The following PIP4K2A variants were observed in gnomAD, a reference collection of about 807,000 sequenced individuals.
The protein encoded by PIP4K2A is phosphatidylinositol 5-phosphate 4-kinase type-2 alpha.
In PIP4K2A, 14 loss-of-function variants were observed where a neutral mutation model predicts 42.9. The ratio of observed to expected loss-of-function variants is 0.33; its 90% CI spans 0.22 to 0.51. The LOEUF (loss-of-function observed/expected upper bound fraction) is 0.51. PIP4K2A is among the 20% of genes least tolerant of loss of function. PIP4K2A has a pLI of 0.97. For synonymous variants in PIP4K2A, 192 were observed against 192.2 expected (o/e 1.00, Z 0.01); for missense variants, 434 against 519.8 (o/e 0.83, Z 1.61).
At chr10:22,604,905 T>C (rs1192970753) in intron 3 of PIP4K2A, among the ~76,000 whole-genome samples, 2 of 152,188 alleles carry the variant, frequency 1.3e-5, no homozygotes, top group Admixed American at 6.5e-5. Flanking sequence ...CCCCAGGTCC[T>C]GGCCCCTGCC....
chr10:22,685,175 TA>T (rs1361326574), intron 1 of PIP4K2A, among the ~76,000 whole-genome samples: 1 of 152,178 alleles, frequency 6.6e-6, no homozygotes, highest in Admixed American at 6.5e-5. Context: ...GTACAACTTA[TA>T]ATTACACAGC....
At chr10:22,578,148 C>T (rs1034074838) in intron 4 of PIP4K2A, among the ~76,000 whole-genome samples, 1 of 152,122 alleles carries the variant, frequency 6.6e-6, no homozygotes, top group Non-Finnish European at 1.5e-5. Context: ...TATATGCTAC[C>T]AATTTTCTGT....
intron 1 of PIP4K2A, among the ~76,000 whole-genome samples, chr10:22,652,100 A>G (rs1839007297): frequency 6.6e-6 from 1 of 151,500 alleles, no homozygotes; most frequent in African/African-American, 2.4e-5. Context: ...TAGTCATGAA[A>G]TAACTGAAAA....
chr10:22,548,291 C>A (rs576513293), intron 7 of PIP4K2A, among the ~76,000 whole-genome samples: 1 of 152,240 alleles, frequency 6.6e-6, no homozygotes, highest in East Asian at 1.9e-4. Flanking sequence ...AGTGCTTGAG[C>A]CATGTATGGG....
rs181046355 is a variant in PIP4K2A at position 22,535,744 on chromosome 10, G to C, written c.*1457C>G. The stretch of plus-strand genomic sequence containing the variant: ...GCCTTTTGGAAAATGCAGGAGAGTT[G>C]GTAGATACATGATCTAGGTTGGAAA... On this transcript the variant is annotated 3_prime_UTR_variant, in exon 10 of 10. Transcript: ENST00000376573. 1 of 192,672 alleles carries C rather than the reference G, an allele frequency of 5.2e-6. No homozygotes were observed. Among genetic ancestry groups the C allele is most frequent in the Admixed American group, 6.0e-5 (1 of 16,598 alleles). 11.9% of individuals were successfully genotyped at this position (192,672 alleles called of 1,614,324 possible).
chr10:22,539,901 GAGAGAGAGAGGGA>G (rs1564410925), intron 9 of PIP4K2A, 57 bp downstream of exon 9: 8 of 627,804 alleles, frequency 1.3e-5, no homozygotes, highest in African/African-American at 8.9e-5. Flanking sequence ...GAGAGAGAGA[GAGAGAGAGAGGGA>G]GAGAGAGAGA....
chr10:22,550,874 G>A (rs181485100), intron 6 of PIP4K2A, 102 bp from the exon 7 acceptor site: 16 of 728,276 alleles, frequency 2.2e-5, no homozygotes, highest in South Asian at 3.1e-5. Flanking sequence ...CCCTTTCACC[G>A]CCCCCACCCC....
At chr10:22,676,578 A>C (rs1435448126) in intron 1 of PIP4K2A, among the ~76,000 whole-genome samples, 3 of 152,198 alleles carry the variant, frequency 2.0e-5, no homozygotes, top group Non-Finnish European at 4.4e-5. Flanking sequence ...GCAGAGAGGA[A>C]CAAGGGCAAG....
At chr10:22,598,227 G>A (rs1450943029) in intron 3 of PIP4K2A, among the ~76,000 whole-genome samples, 3 of 152,100 alleles carry the variant, frequency 2.0e-5, no homozygotes, top group African/African-American at 4.8e-5. Context: ...ATGTGGTGGT[G>A]CGTGCCTGTA....
At chr10:22,678,696 C>T (rs1349972889) in intron 1 of PIP4K2A, among the ~76,000 whole-genome samples, 3 of 152,030 alleles carry the variant, frequency 2.0e-5, no homozygotes, top group Non-Finnish European at 2.9e-5. Flanking sequence ...ACTTAGATTC[C>T]GAAGGAAGCT....
chr10:22,555,854 G>C (rs1256814386), intron 6 of PIP4K2A, among the ~76,000 whole-genome samples: 1 of 151,284 alleles, frequency 6.6e-6, no homozygotes, highest in African/African-American at 2.4e-5. Flanking sequence ...ATTGTCTTGG[G>C]CCACACATAG....
chr10:22,651,426 C>T (rs1304032676), intron 1 of PIP4K2A, among the ~76,000 whole-genome samples: 1 of 152,242 alleles, frequency 6.6e-6, no homozygotes, highest in African/African-American at 2.4e-5. Flanking sequence ...TGGCCTTTCA[C>T]TCCGATCACC....
chr10:22,631,990 A>G (rs538250004), intron 1 of PIP4K2A, among the ~76,000 whole-genome samples: 1 of 152,310 alleles, frequency 6.6e-6, no homozygotes, highest in South Asian at 2.1e-4. Context: ...AGATGGACAC[A>G]ACACTAACGC....
At chr10:22,620,017 G>A (rs1371603759) in intron 1 of PIP4K2A, among the ~76,000 whole-genome samples, 1 of 152,118 alleles carries the variant, frequency 6.6e-6, no homozygotes, top group Non-Finnish European at 1.5e-5. Context: ...AATTAAACAA[G>A]AATCATTAAG....
rs944205123 is a variant in PIP4K2A at position 22,675,406 on chromosome 10, T to A, written c.144+38777A>T. Among the ~76,000 whole-genome samples the A allele has an allele frequency of 7.9e-5, 12 of 152,198 alleles. No individual in the cohort carries two copies. In the South Asian group the frequency reaches 2.1e-3, roughly 26 times the overall value. On this transcript the variant is annotated intron_variant, in intron 1 of 9. Coordinates refer to ENST00000376573, the MANE Select transcript of PIP4K2A (RefSeq NM_005028.5). ...TTTGAGACCAGCCTGACCAACATGG[T>A]GAAACCCCATCTCTACTAAAAATAC...
At chr10:22,622,589 T>C (rs1838355087) in intron 1 of PIP4K2A, among the ~76,000 whole-genome samples, 1 of 152,172 alleles carries the variant, frequency 6.6e-6, no homozygotes, top group Admixed American at 6.5e-5. Flanking sequence ...CTAGAAATAT[T>C]AATAATTCCG....
rs1048246 is a variant in PIP4K2A, at chr10:22,536,563, G to T, written c.*638C>A. 0.025 allele frequency: 4,035 copies of T among 158,986 alleles called. 193 individuals carry two copies. Among genetic ancestry groups the T allele is most frequent in the African/African-American group, 0.09 (3,743 of 41,712 alleles). The allele number at this position is 158,986 out of a possible 1,614,324, so 9.8% of individuals were successfully genotyped here. A position where few individuals can be genotyped will look rare whatever the true frequency, so the allele number is the denominator to read the frequency against. On this transcript the variant is annotated 3_prime_UTR_variant, in exon 10 of 10. Transcript: ENST00000376573. The stretch of plus-strand genomic sequence containing the variant: ...AGCATTCTTCCGTCCAGTGCTGGGG[G>T]CTCAGGTTATCAGTGTTAGGGAGAG...
intron 1 of PIP4K2A, among the ~76,000 whole-genome samples, chr10:22,703,618 G>T (rs570460446): frequency 2.6e-5 from 4 of 152,248 alleles, no homozygotes; most frequent in Admixed American, 2.0e-4. Flanking sequence ...GGTCAGAAAA[G>T]GTTTGGATTT....
At chr10:22,662,540 G>A (rs908505349) in intron 1 of PIP4K2A, among the ~76,000 whole-genome samples, 3 of 152,186 alleles carry the variant, frequency 2.0e-5, no homozygotes, top group Non-Finnish European at 4.4e-5. Flanking sequence ...TGCCTTCAGT[G>A]TTCAGCTTTG....
Sources: allele counts gnomAD v4.1 joint callset (sites outside exome capture counted in the v4.1 genomes callset), GRCh38; gene constraint gnomAD v4.1.1; transcripts MANE v1.5; gene names NCBI Gene and HGNC (gene_info 2026-07-23, HGNC 2026-07-21).